Variants in CSMD1 observed in about 807,000 individuals in gnomAD.
CSMD1 encodes CUB and sushi domain-containing protein 1.
A neutral mutation model predicts 417.5 loss-of-function variants in CSMD1; 213 were observed. That is an observed-to-expected ratio of 0.51 (90% confidence interval 0.46 to 0.57). CSMD1 has a LOEUF of 0.57. Among genes scored for constraint, CSMD1 ranks in the 20% least tolerant of loss-of-function variants. The probability of loss-of-function intolerance (pLI) is 0.00; values close to 1 mark genes in which losing one functional copy is unlikely to be tolerated. For missense variants in CSMD1, 6,923 were observed against 4,529.7 expected (o/e 1.53, Z -15.17); for synonymous variants, 2,862 against 1,736.8 (o/e 1.65, Z -16.11).
rs1373295687 is a variant in CSMD1 at position 2,973,156 on chromosome 8, G to A, written c.8884C>T (p.Leu2962Phe). ...TGCAGTCCTGACCATGACCCATTGA[G>A]CAAACACGTGCGTTCAGGGGAGCCC... ...LRGSPERTCL[L>F]NGSWSGLQPV... is the part of the protein sequence containing the mutation. Residue 2962 changes from leucine to phenylalanine, a missense_variant, in exon 57 of 70, where the codon CTC (leucine) becomes TTC (phenylalanine). Transcript: ENST00000635120. 1 of 1,613,736 alleles carries A rather than the reference G, an allele frequency of 6.2e-7. No individual in the cohort carries two copies. Among genetic ancestry groups the A allele is most frequent in the Non-Finnish European group, 8.5e-7 (1 of 1,179,724 alleles).
intron 49 of CSMD1, among the ~76,000 whole-genome samples, chr8:3,085,588 AG>A (rs1263914024): frequency 6.6e-6 from 1 of 152,218 alleles, no homozygotes; most frequent in Non-Finnish European, 1.5e-5. Context: ...TAAAGATGTC[AG>A]AAGAGCCTCA....
chr8:4,092,500 T>C (rs1288523544), intron 3 of CSMD1, among the ~76,000 whole-genome samples: 1 of 152,166 alleles, frequency 6.6e-6, no homozygotes, highest in East Asian at 1.9e-4. Context: ...TGTCTTTAAG[T>C]TTCAGTAGGC....
intron 5 of CSMD1, among the ~76,000 whole-genome samples, chr8:3,813,412 G>A (rs375062246): frequency 1.4e-4 from 21 of 152,076 alleles, no homozygotes. Flanking sequence ...ATTTTCCCTA[G>A]GGGCCTGTAA....
intron 3 of CSMD1, among the ~76,000 whole-genome samples, chr8:4,314,962 A>C (rs1798838151): frequency 6.6e-6 from 1 of 152,150 alleles, no homozygotes; most frequent in African/African-American, 2.4e-5. Flanking sequence ...ACATGGTGGG[A>C]GGAGGTTTCA....
chr8:4,672,603 G>A (rs1451403387), intron 1 of CSMD1, among the ~76,000 whole-genome samples: 2 of 152,134 alleles, frequency 1.3e-5, no homozygotes, highest in Non-Finnish European at 2.9e-5. Flanking sequence ...AATAAAATGT[G>A]CTACGTATGC....
intron 7 of CSMD1, among the ~76,000 whole-genome samples, chr8:3,697,812 C>T (rs182824384): frequency 3.7e-4 from 57 of 152,070 alleles, no homozygotes; most frequent in Non-Finnish European, 5.9e-5. Context: ...TTTATACTTC[C>T]TTTTTTAGGT....
intron 29 of CSMD1, among the ~76,000 whole-genome samples, chr8:3,217,721 A>T (rs1487681922): frequency 6.6e-6 from 1 of 152,164 alleles, no homozygotes; most frequent in Non-Finnish European, 1.5e-5. Flanking sequence ...TATAATTTTT[A>T]AAATTGTACA....
rs1380996133 is a variant in CSMD1, at chr8:3,409,457, G to A, written c.1710C>T (p.Asn570=). Residue 570 remains asparagine (N), a synonymous_variant, in exon 13 of 70, where the codon AAC becomes AAT. Coordinates refer to ENST00000635120, the MANE Select transcript of CSMD1 (RefSeq NM_033225.6). ...TGGGCTTGTTGCCAGACCACTGATT[G>A]TTCTGCTGACAGGTGATAACTCTCT... ...VGERVITCQQ[N]NQWSGNKPSC... is the part of the protein sequence containing the mutation. 7 of 1,611,368 alleles carry A rather than the reference G, an allele frequency of 4.3e-6. No homozygotes were observed. The Admixed American group carries it at 6.7e-5, about 15-fold the overall frequency.
chr8:3,500,310 T>C (rs1796545972), intron 10 of CSMD1, among the ~76,000 whole-genome samples: 1 of 152,046 alleles, frequency 6.6e-6, no homozygotes, highest in Admixed American at 6.6e-5. Context: ...GACATCTCGA[T>C]GTCTGCTAAG....
At chr8:4,405,640 G>A (rs756596266) in intron 3 of CSMD1, among the ~76,000 whole-genome samples, 14 of 152,186 alleles carry the variant, frequency 9.2e-5, no homozygotes, top group Non-Finnish European at 1.8e-4. Flanking sequence ...GTTTTGCTTG[G>A]CATTGCATTA....
chr8:2,939,861 G>C (rs1801743171), intron 69 of CSMD1, among the ~76,000 whole-genome samples: 1 of 152,220 alleles, frequency 6.6e-6, no homozygotes, highest in African/African-American at 2.4e-5. Flanking sequence ...CGTCAATGAA[G>C]TGAAGACCTG....
At chr8:4,585,603 G>C (rs1303922020) in intron 2 of CSMD1, among the ~76,000 whole-genome samples, 5 of 152,116 alleles carry the variant, frequency 3.3e-5, no homozygotes, top group South Asian at 2.1e-4. Context: ...AAATTACAAA[G>C]AGAAAAATTT....
intron 1 of CSMD1, among the ~76,000 whole-genome samples, chr8:4,991,488 T>C (rs1266310439): frequency 6.6e-6 from 1 of 152,194 alleles, no homozygotes; most frequent in Non-Finnish European, 1.5e-5. Flanking sequence ...AGGTCACGAA[T>C]TATGCCCCAC....
chr8:4,446,503 G>A (rs1339336845), intron 2 of CSMD1, among the ~76,000 whole-genome samples: 1 of 152,140 alleles, frequency 6.6e-6, no homozygotes, highest in African/African-American at 2.4e-5. Flanking sequence ...TCTGTGATCA[G>A]GCCACTGCAC....
chr8:3,249,375 A>G (rs988280619), intron 26 of CSMD1, among the ~76,000 whole-genome samples: 5 of 151,764 alleles, frequency 3.3e-5, no homozygotes, highest in Admixed American at 3.3e-4. Context: ...GGCGCCCACC[A>G]CCACGCTCGG....
chr8:4,000,985 A>G (rs1443399599), intron 4 of CSMD1, among the ~76,000 whole-genome samples: 1 of 152,108 alleles, frequency 6.6e-6, no homozygotes, highest in Non-Finnish European at 1.5e-5. Context: ...GAAACTACAT[A>G]CATTCTTCAT....
At chr8:3,812,882 A>G (rs1476790143) in intron 5 of CSMD1, among the ~76,000 whole-genome samples, 3 of 152,220 alleles carry the variant, frequency 2.0e-5, no homozygotes, top group Non-Finnish European at 4.4e-5. Context: ...CAGTTTAATG[A>G]CATGCCAGCT....
chr8:4,514,191 G>A lies in CSMD1; in HGVS notation c.303-94126C>T, dbSNP rs142876118. Among the ~76,000 whole-genome samples the A allele has an allele frequency of 8.2e-3, 1,252 of 152,144 alleles. 20 individuals are homozygous for A. The highest frequency in any genetic ancestry group is 0.029 in the African/African-American group (1,209 of 41,500). ...GCTTGCAAAATGCCACCTTCTTACC[G>A]TGTCCTCATAAGGCAGAGTAGGGGA... On this transcript the variant is annotated intron_variant, in intron 2 of 69. Transcript: ENST00000635120.
chr8:3,977,614 T>G (rs1813535931), intron 5 of CSMD1, among the ~76,000 whole-genome samples: 1 of 152,222 alleles, frequency 6.6e-6, no homozygotes, highest in African/African-American at 2.4e-5. Context: ...AAGTGAGTGC[T>G]AAGAAGAGCA....
Sources: gnomAD v4.1 joint callset for allele counts (sites outside exome capture counted in the v4.1 genomes callset) on GRCh38, gnomAD v4.1.1 for gene constraint, MANE v1.5 for transcripts, NCBI Gene and HGNC (gene_info 2026-07-23, HGNC 2026-07-21) for gene names.